HOOK1: variants seen among roughly 807,000 people sequenced by gnomAD.
HOOK1 encodes the protein protein Hook homolog 1.
HOOK1 carries 60 observed loss-of-function variants against 112.8 expected under a neutral mutation model. That is an observed-to-expected ratio of 0.53 (90% CI 0.43 to 0.66). The LOEUF is 0.66. Among genes scored for constraint, HOOK1 ranks in the 30% least tolerant of loss-of-function variants. HOOK1 has a pLI of 0.00. For synonymous variants in HOOK1, 294 were observed against 283.8 expected (o/e 1.04, Z -0.36); for missense variants, 770 against 856.0 (o/e 0.90, Z 1.25).
intron 7 of HOOK1, 80 bp downstream of exon 7, chr1:59,837,015 A>G: frequency 5.8e-6 from 5 of 857,112 alleles, no homozygotes; most frequent in Non-Finnish European, 9.6e-6. Context: ...AGGCTTACAA[A>G]GAGAGCATAT....
At chr1:59,821,501 G>T (rs2098385579) in intron 1 of HOOK1, among the ~76,000 whole-genome samples, 3 of 152,066 alleles carry the variant, frequency 2.0e-5, no homozygotes, top group Non-Finnish European at 4.4e-5. Context: ...GCAAATGTTG[G>T]GTTATCTTTA....
In HOOK1 at chr1:59,839,205, A is replaced by T. The variant is rs188830427; in HGVS notation, c.538-1103A>T. ...GGCTCTTTTTTGGTTCCATATGAAG[A>T]TTAAAGTAGTTGTTTCCAATTCTGT... On this transcript the variant is annotated intron_variant, in intron 7 of 21. Transcript: ENST00000371208. 3.8e-3 allele frequency among the ~76,000 whole-genome samples: 577 copies of T among 152,042 alleles called. 2 individuals carry two copies. The highest frequency in any genetic ancestry group is 6.5e-3 in the Non-Finnish European group (444 of 67,942).
chr1:59,834,132 C>T (rs2098395960), intron 5 of HOOK1, among the ~76,000 whole-genome samples: 1 of 152,048 alleles, frequency 6.6e-6, no homozygotes, highest in East Asian at 1.9e-4. Context: ...ACCTCCTTCC[C>T]TTGAGGGCTT....
At position 59,847,129 on chromosome 1, in the gene HOOK1, A is replaced by G. The variant is rs754437546; in HGVS notation, c.873A>G (p.Glu291=). The G allele has an allele frequency of 2.5e-6, 4 of 1,608,112 alleles. No homozygotes were observed. The highest frequency in any genetic ancestry group is 1.1e-5 in the South Asian group (1 of 90,096). ...TCGAATTCCAGCATAGGAATGATGA[A>G]TTGACTAGTCTTGCAGAAGAAACAA... ...QLIEFQHRND[E]LTSLAEETRA... Residue 291 remains glutamate (E), a synonymous_variant, in exon 10 of 22, where the codon GAA becomes GAG. Coordinates refer to ENST00000371208, the MANE Select transcript of HOOK1 (RefSeq NM_015888.6).
Position 59,860,312 on chromosome 1 carries a change from C to A in HOOK1, c.1516C>A (p.Leu506Met). The A allele has an allele frequency of 6.2e-7, 1 of 1,604,922 alleles. No individual in the cohort carries two copies. The highest frequency in any genetic ancestry group is 8.5e-7 in the Non-Finnish European group (1 of 1,175,540). ...ACAGAAACACCGTAAAATGAATGAA[C>A]TGGAAACTGAGCAGAGGTGATATGC... Reference protein sequence around the residue: ...LEQKHRKMNELETEQRLSKER... With the variant: ...LEQKHRKMNEMETEQRLSKER... The change falls in exon 15 of 22, where the codon CTG (leucine) becomes ATG (methionine). Residue 506 changes from leucine to methionine, a missense_variant. Leu to Met is a conservative substitution (Grantham distance 15). Around this residue, in one of 3 missense-constraint regions of HOOK1, gnomAD observed 655 missense variants for 725.9 expected, o/e 0.90. Transcript: ENST00000371208.
At chr1:59,842,355 G>A (rs2098401466) in intron 8 of HOOK1, among the ~76,000 whole-genome samples, 1 of 152,120 alleles carries the variant, frequency 6.6e-6, no homozygotes, top group East Asian at 1.9e-4. Context: ...GAATCACTTA[G>A]AATTATTATG....
At chr1:59,870,690 C>A (rs543318468) in intron 20 of HOOK1, among the ~76,000 whole-genome samples, 2 of 152,126 alleles carry the variant, frequency 1.3e-5, no homozygotes, top group South Asian at 4.1e-4. Flanking sequence ...TTAGTTTTGA[C>A]CCCTCCACGG....
chr1:59,862,747 C>CCTT, intron 15 of HOOK1, 37 bp from the exon 16 acceptor site: 1 of 1,276,024 alleles, frequency 7.8e-7, no homozygotes, highest in Middle Eastern at 1.9e-4. Context: ...CTTTGACTTT[C>CCTT]AATACAAGTA....
At chr1:59,832,120 A>G in intron 3 of HOOK1, 43 bp from the exon 4 acceptor site, 3 of 1,132,490 alleles carry the variant, frequency 2.6e-6, no homozygotes, top group South Asian at 1.5e-5. Context: ...CTTTTCTTTC[A>G]TTATTAATCT....
chr1:59,857,122 G>A (rs1271662645), intron 12 of HOOK1, among the ~76,000 whole-genome samples: 1 of 152,142 alleles, frequency 6.6e-6, no homozygotes, highest in Non-Finnish European at 1.5e-5. Context: ...TTCCTGCAGA[G>A]CAAGCAGTGA....
intron 12 of HOOK1, 67 bp from the exon 13 acceptor site, chr1:59,858,361 G>T (rs1011139316): frequency 4.1e-6 from 4 of 969,376 alleles, no homozygotes; most frequent in Non-Finnish European, 6.6e-6. Context: ...AAGATAAATT[G>T]TAAGCATAAA....
chr1:59,826,106 C>G (rs1269732536), intron 2 of HOOK1, among the ~76,000 whole-genome samples: 1 of 152,034 alleles, frequency 6.6e-6, no homozygotes, highest in Non-Finnish European at 1.5e-5. Context: ...TACCTGAATT[C>G]AGTTGGTAAA....
At chr1:59,832,976 C>T (rs1312072670) in intron 4 of HOOK1, among the ~76,000 whole-genome samples, 1 of 151,866 alleles carries the variant, frequency 6.6e-6, no homozygotes, top group Non-Finnish European at 1.5e-5. Flanking sequence ...AAAATTAATC[C>T]ATTAGATTTG....
intron 20 of HOOK1, among the ~76,000 whole-genome samples, chr1:59,870,478 G>A (rs1644039363): frequency 6.6e-6 from 1 of 152,088 alleles, no homozygotes; most frequent in Non-Finnish European, 1.5e-5. Context: ...AACATCCTAT[G>A]TATCAAGATA....
intron 14 of HOOK1, 93 bp from the exon 15 acceptor site, chr1:59,860,095 C>A (rs1335253384): frequency 2.4e-6 from 2 of 848,090 alleles, no homozygotes; most frequent in African/African-American, 1.8e-5. Flanking sequence ...AAAATGGTAG[C>A]TATTGAGTGG....
At chr1:59,872,704 G>A (rs1328189507) in intron 21 of HOOK1, 91 bp from the exon 22 acceptor site, 10 of 749,254 alleles carry the variant, frequency 1.3e-5, no homozygotes, top group Non-Finnish European at 1.9e-5. Flanking sequence ...TTTATAGGTT[G>A]GTTTTAAGGA....
At position 59,828,856 on chromosome 1, in the gene HOOK1, T is replaced by G; in HGVS notation, c.222+4T>G. ...TGGGGACAACTGGAGAATAAAGGTA[T>G]GCAGAACAAATGGGAGAAGCACTTG... On this transcript the variant is annotated splice_donor_region_variant and intron_variant, in intron 3 of 21. Coordinates refer to ENST00000371208, the MANE Select transcript of HOOK1 (RefSeq NM_015888.6). The G allele has an allele frequency of 6.2e-7, 1 of 1,610,166 alleles. No individual in the cohort carries two copies. Among genetic ancestry groups the G allele is most frequent in the Non-Finnish European group, 8.5e-7 (1 of 1,177,328 alleles).
rs1056903414 is a variant in HOOK1, at chr1:59,828,564, C to T, written c.150-216C>T. Among the ~76,000 whole-genome samples the T allele has an allele frequency of 4.6e-5, 7 of 152,006 alleles. 1 individual carries two copies. The highest frequency in any genetic ancestry group is 1.7e-4 in the African/African-American group (7 of 41,404). On this transcript the variant is annotated intron_variant, in intron 2 of 21. Transcript: ENST00000371208. ...CTTTTGCATCTTCCTGGTAGCAGGGCACCTAGTATTAAATATTTAGTAAAT... is the reference window on the plus strand; with the variant it reads ...CTTTTGCATCTTCCTGGTAGCAGGGTACCTAGTATTAAATATTTAGTAAAT...
Position 59,814,962 on chromosome 1 carries a change from C to T in HOOK1, c.-156C>T, listed in dbSNP as rs570152464. 3 of 676,176 alleles carry T rather than the reference C, an allele frequency of 4.4e-6. No individual in the cohort carries two copies. The South Asian group carries it at 5.6e-5, about 13-fold the overall frequency. The allele number at this position is 676,176 out of a possible 1,614,324, so 41.9% of individuals were successfully genotyped here. ...GGTGAGGAGGGGGTGACGCCGGACG[C>T]GTCGACAGCGCGAGGGTTCGCGCGT... is the stretch of plus-strand genomic sequence containing the variant. On this transcript the variant is annotated 5_prime_UTR_variant, in exon 1 of 22. Coordinates refer to ENST00000371208, the MANE Select transcript of HOOK1 (RefSeq NM_015888.6).
Sources: gnomAD v4.1 joint callset for allele counts (sites outside exome capture counted in the v4.1 genomes callset) on GRCh38, gnomAD v4.1.1 for gene constraint, gnomAD v4.1.1 regional missense constraint, MANE v1.5 for transcripts, NCBI Gene and HGNC (gene_info 2026-07-23, HGNC 2026-07-21) for gene names.